Variants in SGPP2 observed in about 807,000 individuals in gnomAD.
SGPP2 encodes sphingosine-1-phosphate phosphatase 2.
In SGPP2, 30 loss-of-function variants were observed where a neutral mutation model predicts 33.9. The observed-to-expected ratio is 0.89, with a 90% CI of 0.66 to 1.20. SGPP2 has a LOEUF of 1.20. Ranked by LOEUF, SGPP2 falls within the 50% of genes most tolerant of loss-of-function variation. The pLI, the probability that SGPP2 is intolerant of heterozygous loss-of-function variation, is 0.00. For synonymous variants in SGPP2, 233 were observed against 225.0 expected, an observed-to-expected ratio of 1.04 and a Z score of -0.32; for missense variants, 458 against 532.1, an observed-to-expected ratio of 0.86 and a Z score of 1.37.
chr2:222,450,535 C>G (rs1208927805), intron 1 of SGPP2, among the ~76,000 whole-genome samples: 1 of 152,214 alleles, frequency 6.6e-6, no homozygotes, highest in Non-Finnish European at 1.5e-5. Context: ...GGTAGGTGGA[C>G]AGACTCCACC....
At chr2:222,506,894 A>G (rs187406101) in intron 2 of SGPP2, among the ~76,000 whole-genome samples, 51 of 152,130 alleles carry the variant, frequency 3.4e-4, no homozygotes, top group Admixed American at 2.1e-3. Flanking sequence ...TATATATTAA[A>G]AAAAAGAAAT....
chr2:222,503,581 G>C (rs1698399122), intron 2 of SGPP2, among the ~76,000 whole-genome samples: 1 of 152,108 alleles, frequency 6.6e-6, no homozygotes, highest in Non-Finnish European at 1.5e-5. Context: ...AGTATAGTGT[G>C]TAGGATTATA....
intron 2 of SGPP2, among the ~76,000 whole-genome samples, chr2:222,488,668 G>C (rs1164767024): frequency 6.6e-6 from 1 of 152,184 alleles, no homozygotes; most frequent in Non-Finnish European, 1.5e-5. Context: ...TTCCATGTGA[G>C]TTCAGGGCTC....
At chr2:222,542,804 TTTTTC>T (rs1699017524) in intron 4 of SGPP2, among the ~76,000 whole-genome samples, 1 of 151,932 alleles carries the variant, frequency 6.6e-6, no homozygotes, top group African/African-American at 2.4e-5. Flanking sequence ...TCCAAACTTC[TTTTTC>T]TTTTCCTTTT....
chr2:222,558,455 G>A lies in SGPP2; in HGVS notation c.757G>A (p.Val253Ile), dbSNP rs1466079754. ...GGCCAGCCCCCTCTTCCCCGTGTGTGTCATAGTTGTGCCATTCTTCCTGTG... is the reference window on the plus strand; with the variant it reads ...GGCCAGCCCCCTCTTCCCCGTGTGTATCATAGTTGTGCCATTCTTCCTGTG... ...DSASPLFPVCVIVVPFFLCYN... is the reference protein window; with the variant it reads ...DSASPLFPVCIIVVPFFLCYN... Residue 253 changes from valine (V) to isoleucine (I), a missense_variant, in exon 5 of 5, where the codon GTC (valine) becomes ATC (isoleucine). Transcript: ENST00000321276. 5 of 1,614,022 alleles carry A rather than the reference G, an allele frequency of 3.1e-6. No individual in the cohort carries two copies. Among genetic ancestry groups the A allele is most frequent in the Non-Finnish European group, 4.2e-6 (5 of 1,180,034 alleles).
At chr2:222,461,484 T>C (rs1019790012) in intron 1 of SGPP2, among the ~76,000 whole-genome samples, 1 of 152,100 alleles carries the variant, frequency 6.6e-6, no homozygotes, top group African/African-American at 2.4e-5. Flanking sequence ...TTGCCTTTAT[T>C]GTGCACTTTA....
chr2:222,472,688 C>A (rs1697863488), intron 1 of SGPP2, among the ~76,000 whole-genome samples: 1 of 152,164 alleles, frequency 6.6e-6, no homozygotes, highest in African/African-American at 2.4e-5. Flanking sequence ...ATTAGTCTTA[C>A]AAAGGTGGTT....
chr2:222,468,966 G>A (rs534917239), intron 1 of SGPP2, among the ~76,000 whole-genome samples: 1 of 152,126 alleles, frequency 6.6e-6, no homozygotes, highest in African/African-American at 2.4e-5. Context: ...GGGGTTGGGA[G>A]CCTGAGATAA....
chr2:222,539,422 T>A (rs75082328), intron 4 of SGPP2, among the ~76,000 whole-genome samples: 5,802 of 152,298 alleles, frequency 0.038, 222 homozygotes, highest in African/African-American at 0.099. Context: ...ATACAGGGAA[T>A]GTGGTGCTTA....
intron 4 of SGPP2, among the ~76,000 whole-genome samples, chr2:222,547,238 A>G (rs1016772864): frequency 6.6e-6 from 1 of 152,122 alleles, no homozygotes; most frequent in African/African-American, 2.4e-5. Flanking sequence ...AATGTTTGAC[A>G]GTGTCTTTGT....
Position 222,558,623 on chromosome 2 carries a change from G to A in SGPP2, c.925G>A (p.Val309Ile), listed in dbSNP as rs779320715. The change falls in exon 5 of 5, where the codon GTT (valine) becomes ATT (isoleucine). Residue 309 changes from valine to isoleucine, a missense_variant. Coordinates refer to ENST00000321276, the MANE Select transcript of SGPP2 (RefSeq NM_152386.4). ...ATCCAAGCCCGCTGAATCTCTCCCT[G>A]TTATTCAGAACATCCCACCACTCAC... Reference protein sequence around the residue: ...LVSKPAESLPVIQNIPPLTTY... With the variant: ...LVSKPAESLPIIQNIPPLTTY... 8 of 1,614,136 alleles carry A rather than the reference G, an allele frequency of 5.0e-6. No individual in the cohort carries two copies. Among genetic ancestry groups the A allele is most frequent in the Non-Finnish European group, 5.9e-6 (7 of 1,180,026 alleles).
chr2:222,527,691 A>C (rs141497481), intron 4 of SGPP2, among the ~76,000 whole-genome samples: 7 of 152,192 alleles, frequency 4.6e-5, no homozygotes, highest in African/African-American at 1.4e-4. Context: ...GGCTTCTTTC[A>C]TGCTCATAAT....
chr2:222,559,115 A>C lies in SGPP2; in HGVS notation c.*217A>C. ...TGGTGGTTGGTTGTGCTACAGTTGA[A>C]CCCAGGCTAAAGACCATAATCCGGA... On this transcript the variant is annotated 3_prime_UTR_variant, in exon 5 of 5. Coordinates refer to ENST00000321276, the MANE Select transcript of SGPP2 (RefSeq NM_152386.4). The C allele has an allele frequency of 4.6e-6, 2 of 432,348 alleles. No individual in the cohort carries two copies. Among genetic ancestry groups the C allele is most frequent in the East Asian group, 3.7e-5 (1 of 26,670 alleles). The allele number at this position is 432,348 out of a possible 1,614,324, so 26.8% of individuals were successfully genotyped here. A position where few individuals can be genotyped will look rare whatever the true frequency, so the allele number is the denominator to read the frequency against.
chr2:222,518,855 G>C (rs1018224232), intron 2 of SGPP2, among the ~76,000 whole-genome samples: 4 of 152,202 alleles, frequency 2.6e-5, no homozygotes, highest in African/African-American at 9.6e-5. Flanking sequence ...GAGCAAAGTG[G>C]CAGTGAAGCA....
At chr2:222,439,761 AC>A (rs779169924) in intron 1 of SGPP2, among the ~76,000 whole-genome samples, 1 of 152,238 alleles carries the variant, frequency 6.6e-6, no homozygotes, top group Non-Finnish European at 1.5e-5. Context: ...AAGGTGATAA[AC>A]AAATTAGTAG....
rs137953897 is a variant in SGPP2 at position 222,521,657 on chromosome 2, AAGG to A, written c.379-107_379-105del. ...GCCAACAAGTAGCTGGTCAGAGAGA[AAGG>A]AGCCTTCAATCAACAACCTGAGAAC... On this transcript the variant is annotated intron_variant, in intron 2 of 4. Coordinates refer to ENST00000321276, the MANE Select transcript of SGPP2 (RefSeq NM_152386.4). 2.0e-3 allele frequency: 2,287 copies of A among 1,153,648 alleles called. 26 individuals carry two copies. The African/African-American group carries it at 0.033, about 17-fold the overall frequency. The allele number at this position is 1,153,648 out of a possible 1,614,324, so 71.5% of individuals were successfully genotyped here.
chr2:222,451,012 A>G (rs769495327), intron 1 of SGPP2, among the ~76,000 whole-genome samples: 1 of 152,182 alleles, frequency 6.6e-6, no homozygotes, highest in Non-Finnish European at 1.5e-5. Context: ...CATAATATAG[A>G]AAATGTATTT....
intron 2 of SGPP2, among the ~76,000 whole-genome samples, chr2:222,513,355 C>A (rs1005340406): frequency 4.6e-5 from 7 of 152,114 alleles, no homozygotes; most frequent in Non-Finnish European, 7.3e-5. Context: ...TGCAAAGGAG[C>A]TAAGCAGACT....
chr2:222,510,317 A>G (rs1187752746), intron 2 of SGPP2, among the ~76,000 whole-genome samples: 1 of 152,214 alleles, frequency 6.6e-6, no homozygotes, highest in Non-Finnish European at 1.5e-5. Context: ...AAAGGGAATG[A>G]GATGCATTTG....
Sources: gnomAD v4.1 joint callset for allele counts (sites outside exome capture counted in the v4.1 genomes callset) on GRCh38, gnomAD v4.1.1 for gene constraint, MANE v1.5 for transcripts, NCBI Gene and HGNC (gene_info 2026-07-23, HGNC 2026-07-21) for gene names.